The following STARD9 variants were observed in gnomAD, a reference collection of about 807,000 sequenced individuals.
STARD9 encodes StAR related lipid transfer domain containing 9.
Under a neutral mutation model 399.8 loss-of-function variants are expected in STARD9, and 346 were observed. The observed-to-expected ratio is 0.87, with a 90% CI of 0.79 to 0.95. The LOEUF is 0.95. Ranked by LOEUF, STARD9 falls within the 40% of genes least tolerant of loss-of-function variation. STARD9 has a pLI of 0.00. For missense variants in STARD9, 5,832 were observed against 5,667.5 expected, an observed-to-expected ratio of 1.03 and a Z score of -0.93; for synonymous variants, 2,203 against 2,143.5, an observed-to-expected ratio of 1.03 and a Z score of -0.77.
intron 8 of STARD9, among the ~76,000 whole-genome samples, chr15:42,651,360 A>C (rs2059759027): frequency 6.6e-6 from 1 of 152,172 alleles, no homozygotes; most frequent in Admixed American, 6.5e-5. Flanking sequence ...TTTTGTTTAG[A>C]GCTTCTAAAT....
rs1427752586 is a variant in STARD9, at chr15:42,692,221, C to T, written c.10643C>T (p.Ala3548Val). 4.6e-6 allele frequency: 7 copies of T among 1,537,062 alleles called. No individual in the cohort carries two copies. The highest frequency in any genetic ancestry group is 6.1e-6 in the Non-Finnish European group (7 of 1,146,898). Residue 3548 changes from alanine (A) to valine (V), a missense_variant, in exon 23 of 33, where the codon GCC becomes GTC. Around this residue, in one of 2 missense-constraint regions of STARD9, gnomAD observed 5,828 missense variants for 5,651.1 expected, o/e 1.03. Transcript: ENST00000290607. ...ACCACACACAGCAGCACTGAGAATG[C>T]CCAGGGTTCAAATGAGGCCTGGGAA... ...LSTTHSSTEN[A>V]QGSNEAWEVF...
rs1217177648 is a variant in STARD9, at chr15:42,694,643, C to G, written c.12880C>G (p.Leu4294Val). The G allele has an allele frequency of 1.3e-6, 2 of 1,537,086 alleles. No individual in the cohort carries two copies. The highest frequency in any genetic ancestry group is 1.7e-6 in the Non-Finnish European group (2 of 1,146,906). ...KQLSLLPNKD[L>V]FIWDLDLPSR... ...ACTGAGCCTCCTGCCCAACAAAGATCTCTTCATCTGGGATCTTGACTTGCC... is the reference window on the plus strand; with the variant it reads ...ACTGAGCCTCCTGCCCAACAAAGATGTCTTCATCTGGGATCTTGACTTGCC... The change falls in exon 24 of 33, where the codon CTC (leucine) becomes GTC (valine). Residue 4294 changes from leucine to valine, a missense_variant. By Grantham distance (32) the Leu-to-Val change is conservative. Around this residue, in one of 2 missense-constraint regions of STARD9, gnomAD observed 5,828 missense variants for 5,651.1 expected, o/e 1.03. Coordinates refer to ENST00000290607, the MANE Select transcript of STARD9 (RefSeq NM_020759.3).
Position 42,688,048 on chromosome 15 carries a change from G to T in STARD9, c.6470G>T (p.Gly2157Val). The change falls in exon 23 of 33, where the codon GGT becomes GTT. Residue 2157 changes from glycine to valine, a missense_variant. Gly to Val is a moderately radical substitution (Grantham distance 109, BLOSUM62 -3). Transcript: ENST00000290607. ...CCAAACCCCTTCAGGTCAAGGGAAG[G>T]TGTACGAGAGAGTGAACCTGTGAGA... ...ITPNPFRSRE[G>V]VRESEPVREH... The T allele has an allele frequency of 6.5e-7, 1 of 1,537,488 alleles. No homozygotes were observed. The highest frequency in any genetic ancestry group is 8.7e-7 in the Non-Finnish European group (1 of 1,146,972).
intron 3 of STARD9, among the ~76,000 whole-genome samples, chr15:42,631,063 T>C (rs1210520915): frequency 6.6e-6 from 1 of 151,982 alleles, no homozygotes; most frequent in Non-Finnish European, 1.5e-5. Context: ...CAGGCTAGTC[T>C]TGAACTCCTG....
At chr15:42,715,944 C>A (rs2061341447) in intron 26 of STARD9, among the ~76,000 whole-genome samples, 1 of 152,108 alleles carries the variant, frequency 6.6e-6, no homozygotes, top group Non-Finnish European at 1.5e-5. Flanking sequence ...GAGAGCTAAG[C>A]CAGAGGCAGA....
At chr15:42,589,888 A>G (rs907806930) in intron 3 of STARD9, among the ~76,000 whole-genome samples, 1 of 149,678 alleles carries the variant, frequency 6.7e-6, no homozygotes, top group African/African-American at 2.5e-5. Context: ...TACAGGCGTG[A>G]GCCACCACAC....
rs1436751175 is a variant in STARD9 at position 42,689,790 on chromosome 15, A to G, written c.8212A>G (p.Lys2738Glu). 1 of 1,537,490 alleles carries G rather than the reference A, an allele frequency of 6.5e-7. No individual in the cohort carries two copies. The change falls in exon 23 of 33, where the codon AAG becomes GAG. Residue 2738 changes from lysine to glutamate, a missense_variant. Transcript: ENST00000290607. ...PVEEVRRVVS[K>E]KVVAALPSQA... ...GGAGGAGGTCAGGAGGGTAGTATCA[A>G]AGAAGGTAGTGGCTGCCTTACCTTC...
Position 42,718,868 on chromosome 15 carries a change from T to C in STARD9, c.13959T>C (p.Thr4653=). The change falls in exon 32 of 33, where the codon ACT becomes ACC. Residue 4653 remains threonine, a synonymous_variant. Coordinates refer to ENST00000290607, the MANE Select transcript of STARD9 (RefSeq NM_020759.3). ...LPSAWILQPI[T]VEGKEVTRVI... ...GTGCCTGGATCTTGCAGCCCATCAC[T>C]GTGGAAGGGAAGGAAGTCACCAGAG... The C allele has an allele frequency of 1.3e-6, 2 of 1,537,174 alleles. No homozygotes were observed. Among genetic ancestry groups the C allele is most frequent in the Non-Finnish European group, 1.7e-6 (2 of 1,146,860 alleles).
chr15:42,653,057 C>G (rs866435578), intron 9 of STARD9, among the ~76,000 whole-genome samples: 1 of 152,166 alleles, frequency 6.6e-6, no homozygotes, highest in Non-Finnish European at 1.5e-5. Flanking sequence ...GATTTACACA[C>G]AATCCGTTAA....
At position 42,634,872 on chromosome 15, in the gene STARD9, G is replaced by C; in HGVS notation, c.251G>C (p.Gly84Ala). 6.5e-7 allele frequency: 1 copy of C among 1,532,214 alleles called. No individual in the cohort carries two copies. Among genetic ancestry groups the C allele is most frequent in the South Asian group, 1.2e-5 (1 of 83,424 alleles). The allele number at this position is 1,532,214 out of a possible 1,614,324, so 94.9% of individuals were successfully genotyped here. Residue 84 changes from glycine (G) to alanine (A), a missense_variant, in exon 4 of 33, where the codon GGG (glycine) becomes GCG (alanine). By Grantham distance (60) the Gly-to-Ala change is moderately conservative. Coordinates refer to ENST00000290607, the MANE Select transcript of STARD9 (RefSeq NM_020759.3). ...TTGTTACAGGTTTTCCAGGATTTAG[G>C]GATGGAAGTACTGTCTGGAGTTGCC... ...ASQDVVFQDL[G>A]MEVLSGVAKG...
At chr15:42,624,144 T>C (rs1375433048) in intron 3 of STARD9, among the ~76,000 whole-genome samples, 1 of 152,208 alleles carries the variant, frequency 6.6e-6, no homozygotes. Flanking sequence ...CTTGTTAGAC[T>C]GTTCACACTT....
At chr15:42,643,944 C>G (rs1034744329) in intron 7 of STARD9, among the ~76,000 whole-genome samples, 3 of 152,008 alleles carry the variant, frequency 2.0e-5, no homozygotes, top group Non-Finnish European at 4.4e-5. Context: ...CAGGGATTTT[C>G]TAGTTGTATT....
At chr15:42,579,688 C>A (rs566467072) in intron 1 of STARD9, among the ~76,000 whole-genome samples, 1 of 152,160 alleles carries the variant, frequency 6.6e-6, no homozygotes, top group South Asian at 2.1e-4. Context: ...ATCCCAGCAG[C>A]CAAACAAAGC....
In STARD9 at chr15:42,693,130, C is replaced by CAT; in HGVS notation, c.11555_11556dup (p.Cys3853IlefsTer3). 1 of 1,537,202 alleles carries CAT rather than the reference C, an allele frequency of 6.5e-7. No homozygotes were observed. The highest frequency in any genetic ancestry group is 8.7e-7 in the Non-Finnish European group (1 of 1,146,906). On this transcript the variant is annotated frameshift_variant, in exon 23 of 33. Transcript: ENST00000290607. LOFTEE classifies it high-confidence loss of function. ...CCTCCCAGCTCCCAGCCAGAGGAGT[C>CAT]ATATTGCTTAGTTGTCAGCAGTCCC...
At chr15:42,624,375 A>C (rs1188487849) in intron 3 of STARD9, among the ~76,000 whole-genome samples, 1 of 152,112 alleles carries the variant, frequency 6.6e-6, no homozygotes, top group Non-Finnish European at 1.5e-5. Context: ...TATCCTCATT[A>C]TATTTAGGTA....
intron 3 of STARD9, among the ~76,000 whole-genome samples, chr15:42,606,452 C>A (rs1055554034): frequency 6.6e-6 from 1 of 152,042 alleles, no homozygotes; most frequent in African/African-American, 2.4e-5. Flanking sequence ...CAGAACACCA[C>A]CTATTTTTAG....
intron 1 of STARD9, 66 bp downstream of exon 1, chr15:42,575,828 C>T: frequency 1.4e-6 from 2 of 1,477,890 alleles, no homozygotes; most frequent in Admixed American, 3.9e-5. Context: ...AGGTCCGCGT[C>T]TCCCCCTGCA....
Position 42,684,822 on chromosome 15 carries a change from C to T in STARD9, c.3244C>T (p.Pro1082Ser). The T allele has an allele frequency of 2.0e-6, 3 of 1,537,176 alleles. No homozygotes were observed. Among genetic ancestry groups the T allele is most frequent in the Non-Finnish European group, 2.6e-6 (3 of 1,146,924 alleles). ...TACAAGGGACCCAGACACCATGGTC[C>T]CACTCACAGATTTCAGCCCAGTAAT... ...QNTRDPDTMV[P>S]LTDFSPVMDH... Residue 1082 changes from proline (P) to serine (S), a missense_variant, in exon 23 of 33, where the codon CCA (proline) becomes TCA (serine). This residue lies in a region of STARD9 where 5,828 missense variants were observed against 5,651.1 expected (regional missense o/e 1.03). Transcript: ENST00000290607.
chr15:42,699,334 C>G (rs1255738854), intron 26 of STARD9, among the ~76,000 whole-genome samples: 1 of 151,820 alleles, frequency 6.6e-6, no homozygotes, highest in Non-Finnish European at 1.5e-5. Context: ...ATCCCCTCCC[C>G]AGCCTCTGGT....
Sources: gnomAD v4.1 joint callset for allele counts (sites outside exome capture counted in the v4.1 genomes callset) on GRCh38, gnomAD v4.1.1 for gene constraint, gnomAD v4.1.1 regional missense constraint, MANE v1.5 for transcripts, NCBI Gene and HGNC (gene_info 2026-07-23, HGNC 2026-07-21) for gene names.